The following GABBR1 variants were observed in gnomAD, a reference collection of about 807,000 sequenced individuals.
GABBR1 encodes GABA-B receptor, R1 subunit.
GABBR1 carries 35 observed loss-of-function variants against 117.7 expected under a neutral mutation model. The ratio of observed to expected loss-of-function variants is 0.30; its 90% CI spans 0.23 to 0.39. GABBR1 has a LOEUF of 0.39. Ranked by LOEUF, GABBR1 falls within the 10% of genes least tolerant of loss-of-function variation. GABBR1 has a pLI of 1.00. For missense variants in GABBR1, 709 were observed against 1,241.8 expected, an observed-to-expected ratio of 0.57 and a Z score of 6.45; for synonymous variants, 442 against 486.6, an observed-to-expected ratio of 0.91 and a Z score of 1.21.
Position 29,603,641 on chromosome 6 carries a change from T to C in GABBR1, c.2788A>G (p.Thr930Ala), listed in dbSNP as rs1761634877. The C allele has an allele frequency of 6.6e-7, 1 of 1,525,430 alleles. No homozygotes were observed. Among genetic ancestry groups the C allele is most frequent in the African/African-American group, 1.4e-5 (1 of 71,566 alleles). The allele number at this position is 1,525,430 out of a possible 1,614,324, so 94.5% of individuals were successfully genotyped here. ...QQLRSRRHPP[T>A]PPEPSGGLPR... Reference sequence around the variant, plus strand: ...AGGCCCCCAGAGGGTTCTGGGGGTGTCGGTGGGTGGCGCCGGGAGCGGAGC... The same window carrying C: ...AGGCCCCCAGAGGGTTCTGGGGGTGCCGGTGGGTGGCGCCGGGAGCGGAGC... Residue 930 changes from threonine (T) to alanine (A), a missense_variant, in exon 23 of 23, where the codon ACA (threonine) becomes GCA (alanine). Transcript: ENST00000377034.
At position 29,622,816 on chromosome 6, in the gene GABBR1, G is replaced by A. The variant is rs1177942368; in HGVS notation, c.963+489C>T. On this transcript the variant is annotated intron_variant, in intron 8 of 22. Transcript: ENST00000377034. The surrounding 1 kb of genome is among the most constrained non-coding windows in gnomAD (Gnocchi z 4.6). Reference sequence around the variant, plus strand: ...TAGTACCAACTACCAGATCCATGCAGCTGCCTTTCTGCCCCTCTCTCTCCT... The same window carrying A: ...TAGTACCAACTACCAGATCCATGCAACTGCCTTTCTGCCCCTCTCTCTCCT... 6.6e-6 allele frequency among the ~76,000 whole-genome samples: 1 copy of A among 151,482 alleles called. No individual in the cohort carries two copies. The highest frequency in any genetic ancestry group is 1.5e-5 in the Non-Finnish European group (1 of 67,914).
intron 11 of GABBR1, among the ~76,000 whole-genome samples, chr6:29,619,336 T>G (rs1763507704): frequency 6.6e-6 from 1 of 152,212 alleles, no homozygotes; most frequent in Admixed American, 6.5e-5. Flanking sequence ...TTAAGACTGC[T>G]CTATCCTCTT....
intron 13 of GABBR1, among the ~76,000 whole-genome samples, chr6:29,612,227 G>GGT (rs917896249): frequency 6.7e-6 from 1 of 149,310 alleles, no homozygotes; most frequent in African/African-American, 2.5e-5. Flanking sequence ...TGGTCTGGCT[G>GGT]GTCTCAAACT....
At position 29,606,806 on chromosome 6, in the gene GABBR1, T is replaced by G; in HGVS notation, c.2217+91A>C. On this transcript the variant is annotated intron_variant, in intron 18 of 22. Coordinates refer to ENST00000377034, the MANE Select transcript of GABBR1 (RefSeq NM_001470.4). This position sits in a 1 kb window ranked among gnomAD's most constrained non-coding sequence, Gnocchi z 4.5. ...AGGAAGGCACTCTCTCCAAGTAGCT[T>G]CATCCCTCAAGACACACACAGCCCC... is the stretch of plus-strand genomic sequence containing the variant. 2 of 1,053,662 alleles carry G rather than the reference T, an allele frequency of 1.9e-6. No individual in the cohort carries two copies. Among genetic ancestry groups the G allele is most frequent in the Non-Finnish European group, 2.9e-6 (2 of 698,938 alleles). The allele number at this position is 1,053,662 out of a possible 1,614,324, so 65.3% of individuals were successfully genotyped here. A position where few individuals can be genotyped will look rare whatever the true frequency, so the allele number is the denominator to read the frequency against.
At position 29,630,226 on chromosome 6, in the gene GABBR1, G is replaced by A. The variant is rs537872703; in HGVS notation, c.475+232C>T. 2.2e-6 allele frequency: 1 copy of A among 445,300 alleles called. No homozygotes were observed. Among genetic ancestry groups the A allele is most frequent in the East Asian group, 3.1e-5 (1 of 31,962 alleles). 27.6% of individuals were successfully genotyped at this position (445,300 alleles called of 1,614,324 possible). ...GAGGTCTAAGAATCGGGAGCAGGAA[G>A]ATTTTTTTAAAAGGTAAAGGAAGGA... On this transcript the variant is annotated intron_variant, in intron 4 of 22. Transcript: ENST00000377034. The surrounding 1 kb of genome is among the most constrained non-coding windows in gnomAD (Gnocchi z 4.9).
intron 4 of GABBR1, 165 bp from the exon 5 acceptor site, chr6:29,629,272 TGGGGGTAA>T: frequency 1.3e-6 from 1 of 765,140 alleles, no homozygotes; most frequent in Non-Finnish European, 2.3e-6. Context: ...AAGGTGGGTC[TGGGGGTAA>T]GGGGGTCAGG....
chr6:29,611,835 T>C lies in GABBR1; in HGVS notation c.1630+716A>G, dbSNP rs1460517156. Among the ~76,000 whole-genome samples, 1 of 150,814 alleles carries C rather than the reference T, an allele frequency of 6.6e-6. No homozygotes were observed. The highest frequency in any genetic ancestry group is 6.6e-5 in the Admixed American group (1 of 15,094). On this transcript the variant is annotated intron_variant, in intron 13 of 22. Transcript: ENST00000377034. The surrounding 1 kb of genome is among the most constrained non-coding windows in gnomAD (Gnocchi z 4.6). ...TTGAAGCTTTACACAGCAAGGAAAT[T>C]TGGCAGATTCCCTTAAAAAAAAAAT...
In GABBR1 at chr6:29,609,184, T is replaced by C. The variant is rs1361611117; in HGVS notation, c.1859+45A>G. The C allele has an allele frequency of 6.3e-7, 1 of 1,583,364 alleles. No individual in the cohort carries two copies. The highest frequency in any genetic ancestry group is 1.1e-5 in the South Asian group (1 of 90,242). ...TCATCCTGTCCAGGAACATGATCAG[T>C]ATCTCAGAGAGGCAGACAAGGAAAA... On this transcript the variant is annotated intron_variant, in intron 15 of 22. Coordinates refer to ENST00000377034, the MANE Select transcript of GABBR1 (RefSeq NM_001470.4). This position sits in a 1 kb window ranked among gnomAD's most constrained non-coding sequence, Gnocchi z 4.3.
rs569354161 is a variant in GABBR1, at chr6:29,617,668, ATCCAAGATGAAGCTCAATTTTT to A, written c.1323+3411_1323+3432del. Among the ~76,000 whole-genome samples, 86 of 152,362 alleles carry A rather than the reference ATCCAAGATGAAGCTCAATTTTT, an allele frequency of 5.6e-4. No homozygotes were observed. The East Asian group carries it at 8.9e-3, about 16-fold the overall frequency. On this transcript the variant is annotated intron_variant, in intron 11 of 22. Transcript: ENST00000377034. ...TGATGAATAATCTCAAAATCAAAATATCCAAGATGAAGCTCAATTTTTTCTTACTCCCAAACAGCTCCCAGTA... is the reference window on the plus strand; with the variant it reads ...TGATGAATAATCTCAAAATCAAAATATCTTACTCCCAAACAGCTCCCAGTA...
In GABBR1 at chr6:29,631,642, A is replaced by T; in HGVS notation, c.86-43T>A. The T allele has an allele frequency of 6.3e-7, 1 of 1,575,390 alleles. No homozygotes were observed. Among genetic ancestry groups the T allele is most frequent in the Non-Finnish European group, 8.7e-7 (1 of 1,145,216 alleles). ...GAGGCATACAGAGAGGAATGGTGGG[A>T]AAGAGGAAAAGGCAGGCTCCCCAGT... is the stretch of plus-strand genomic sequence containing the variant. On this transcript the variant is annotated intron_variant, in intron 2 of 22. Coordinates refer to ENST00000377034, the MANE Select transcript of GABBR1 (RefSeq NM_001470.4). The surrounding 1 kb of genome is among the most constrained non-coding windows in gnomAD (Gnocchi z 5.9).
chr6:29,617,301 C>CTTTTTTTTTTTTTTTTT (rs373993426), intron 11 of GABBR1, among the ~76,000 whole-genome samples: 11 of 119,862 alleles, frequency 9.2e-5, no homozygotes, highest in Non-Finnish European at 1.2e-4. Context: ...TTCTTTCTTT[C>CTTTTTTTTTTTTTTTTT]TTTTTTTTTT....
chr6:29,604,838 G>A lies in GABBR1; in HGVS notation c.2568+22C>T, dbSNP rs1268436267. 5.0e-6 allele frequency: 8 copies of A among 1,608,350 alleles called. No homozygotes were observed. Among genetic ancestry groups the A allele is most frequent in the Non-Finnish European group, 6.8e-6 (8 of 1,177,622 alleles). On this transcript the variant is annotated intron_variant, in intron 21 of 22. Transcript: ENST00000377034. The surrounding 1 kb of genome is among the most constrained non-coding windows in gnomAD (Gnocchi z 5.3). ...GAGGGAACATGGGAACAAAGAGGGTGGGAGAAAAGCCAGATCCTTACCTTG... is the reference window on the plus strand; with the variant it reads ...GAGGGAACATGGGAACAAAGAGGGTAGGAGAAAAGCCAGATCCTTACCTTG...
Position 29,605,327 on chromosome 6 carries a change from G to C in GABBR1, c.2439+242C>G. The C allele has an allele frequency of 1.7e-6, 1 of 572,984 alleles. No homozygotes were observed. Among genetic ancestry groups the C allele is most frequent in the Non-Finnish European group, 3.0e-6 (1 of 328,142 alleles). 35.5% of individuals were successfully genotyped at this position (572,984 alleles called of 1,614,324 possible). A position where few individuals can be genotyped will look rare whatever the true frequency, so the allele number is the denominator to read the frequency against. Reference sequence around the variant, plus strand: ...AGCAATTTAACGTCTCTGTGTTTCTGTTTCCTCACCTATAAAGTGGGGATA... The same window carrying C: ...AGCAATTTAACGTCTCTGTGTTTCTCTTTCCTCACCTATAAAGTGGGGATA... On this transcript the variant is annotated intron_variant, in intron 20 of 22. Transcript: ENST00000377034. This position sits in a 1 kb window ranked among gnomAD's most constrained non-coding sequence, Gnocchi z 4.2.
In GABBR1 at chr6:29,632,766, T is replaced by G; in HGVS notation, c.-1+84A>C. The G allele has an allele frequency of 1.1e-6, 1 of 924,744 alleles. No homozygotes were observed. Among genetic ancestry groups the G allele is most frequent in the Non-Finnish European group, 1.3e-6 (1 of 750,214 alleles). The allele number at this position is 924,744 out of a possible 1,614,324, so 57.3% of individuals were successfully genotyped here. A position where few individuals can be genotyped will look rare whatever the true frequency, so the allele number is the denominator to read the frequency against. On this transcript the variant is annotated intron_variant, in intron 1 of 22. Transcript: ENST00000377034. The surrounding 1 kb of genome is among the most constrained non-coding windows in gnomAD (Gnocchi z 5.8). ...CTCCCCCAGCCCCGCTTCCCCCAGC[T>G]GGGCCCTGCGCCCACTGCCCCCTCC...
chr6:29,632,747 C>A lies in GABBR1; in HGVS notation c.-1+103G>T. ...CATCCCCGCGGTTCCTCCTCTCCCC[C>A]AGCCCCGCTTCCCCCAGCTGGGCCC... On this transcript the variant is annotated intron_variant, in intron 1 of 22. Coordinates refer to ENST00000377034, the MANE Select transcript of GABBR1 (RefSeq NM_001470.4). The surrounding 1 kb of genome is among the most constrained non-coding windows in gnomAD (Gnocchi z 5.8). 1 of 1,229,020 alleles carries A rather than the reference C, an allele frequency of 8.1e-7. No individual in the cohort carries two copies. The highest frequency in any genetic ancestry group is 1.0e-6 in the Non-Finnish European group (1 of 958,834). The allele number at this position is 1,229,020 out of a possible 1,614,324, so 76.1% of individuals were successfully genotyped here. A position where few individuals can be genotyped will look rare whatever the true frequency, so the allele number is the denominator to read the frequency against.
rs1582938730 is a variant in GABBR1 at position 29,602,707 on chromosome 6, G to A, written c.*836C>T. ...ACAAGGTACATGGAGGGTACACAGG[G>A]AAAGTACATGGATAAACATGGACGT... On this transcript the variant is annotated 3_prime_UTR_variant, in exon 23 of 23. Transcript: ENST00000377034. 1 of 330,198 alleles carries A rather than the reference G, an allele frequency of 3.0e-6. No individual in the cohort carries two copies. The highest frequency in any genetic ancestry group is 8.2e-5 in the East Asian group (1 of 12,216). The allele number at this position is 330,198 out of a possible 1,614,324, so 20.5% of individuals were successfully genotyped here. A position where few individuals can be genotyped will look rare whatever the true frequency, so the allele number is the denominator to read the frequency against.
rs1196041845 is a variant in GABBR1 at position 29,607,583 on chromosome 6, G to T, written c.1993-365C>A. Among the ~76,000 whole-genome samples, 1 of 152,064 alleles carries T rather than the reference G, an allele frequency of 6.6e-6. No individual in the cohort carries two copies. The highest frequency in any genetic ancestry group is 1.5e-5 in the Non-Finnish European group (1 of 68,006). On this transcript the variant is annotated intron_variant, in intron 16 of 22. Coordinates refer to ENST00000377034, the MANE Select transcript of GABBR1 (RefSeq NM_001470.4). The surrounding 1 kb of genome is among the most constrained non-coding windows in gnomAD (Gnocchi z 5.0). ...TGCTCCCATCCACCTGTCCAGCTAG[G>T]CTCATCTCCCAGCCCCACACCTACC...
intron 14 of GABBR1, among the ~76,000 whole-genome samples, chr6:29,610,446 A>T (rs1582963838): frequency 6.6e-6 from 1 of 152,298 alleles, no homozygotes; most frequent in East Asian, 1.9e-4. Context: ...AAATAGGAAA[A>T]TTTTTAAAAA....
Position 29,620,952 on chromosome 6 carries a change from T to A in GABBR1, c.1323+149A>T. The A allele has an allele frequency of 3.3e-6, 2 of 607,624 alleles. No individual in the cohort carries two copies. Among genetic ancestry groups the A allele is most frequent in the Non-Finnish European group, 2.8e-6 (1 of 354,290 alleles). The allele number at this position is 607,624 out of a possible 1,614,324, so 37.6% of individuals were successfully genotyped here. A position where few individuals can be genotyped will look rare whatever the true frequency, so the allele number is the denominator to read the frequency against. On this transcript the variant is annotated intron_variant, in intron 11 of 22. Coordinates refer to ENST00000377034, the MANE Select transcript of GABBR1 (RefSeq NM_001470.4). The surrounding 1 kb of genome is among the most constrained non-coding windows in gnomAD (Gnocchi z 4.5). ...GCAAAGGTAGGATCCACAGGAAACA[T>A]AATGCAGACAAGTTCAGGGTGGGCA...
Sources: gnomAD v4.1 joint callset for allele counts (sites outside exome capture counted in the v4.1 genomes callset) on GRCh38, gnomAD v4.1.1 for gene constraint, Gnocchi (gnomAD v3.1) non-coding constraint, MANE v1.5 for transcripts, NCBI Gene and HGNC (gene_info 2026-07-23, HGNC 2026-07-21) for gene names.